CDH11: variants seen among roughly 807,000 people sequenced by gnomAD.
CDH11 encodes the protein cadherin 11.
CDH11 carries 11 observed loss-of-function variants against 67.8 expected under a neutral mutation model. The observed-to-expected ratio is 0.16, with a 90% confidence interval of 0.10 to 0.27. The LOEUF is 0.27. CDH11 is among the 10% of genes least tolerant of loss of function. CDH11 has a pLI of 1.00. For missense variants in CDH11, 847 were observed against 1,031.2 expected (o/e 0.82, Z 2.45); for synonymous variants, 419 against 400.0 (o/e 1.05, Z -0.57).
At chr16:65,073,865 C>A (rs556092524) in intron 1 of CDH11, among the ~76,000 whole-genome samples, 1 of 152,284 alleles carries the variant, frequency 6.6e-6, no homozygotes, top group South Asian at 2.1e-4. Context: ...CACTGGTCCA[C>A]AGACAGCATC....
chr16:65,053,452 T>C (rs918752875), intron 2 of CDH11, among the ~76,000 whole-genome samples: 1 of 152,194 alleles, frequency 6.6e-6, no homozygotes, highest in Non-Finnish European at 1.5e-5. Context: ...TTTTAAGACT[T>C]ATTTCAAAAG....
chr16:64,995,653 C>G (rs1470389479), intron 4 of CDH11, among the ~76,000 whole-genome samples: 1 of 151,984 alleles, frequency 6.6e-6, no homozygotes. Context: ...GAGAAAAAAA[C>G]CCAGGAAACA....
rs897361035 is a variant in CDH11, at chr16:65,004,965, G to T, written c.-96C>A. ...GAGGGTGGCCTCCCGGACGCGTCACGCAGACCTCTCTTGGGATGGAATGTC... is the reference window on the plus strand; with the variant it reads ...GAGGGTGGCCTCCCGGACGCGTCACTCAGACCTCTCTTGGGATGGAATGTC... On this transcript the variant is annotated 5_prime_UTR_variant, in exon 3 of 13. Transcript: ENST00000268603. 1.4e-6 allele frequency: 2 copies of T among 1,434,742 alleles called. No individual in the cohort carries two copies. Among genetic ancestry groups the T allele is most frequent in the Non-Finnish European group, 1.8e-6 (2 of 1,090,134 alleles). 88.9% of individuals were successfully genotyped at this position (1,434,742 alleles called of 1,614,324 possible). A position where few individuals can be genotyped will look rare whatever the true frequency, so the allele number is the denominator to read the frequency against.
intron 1 of CDH11, among the ~76,000 whole-genome samples, chr16:65,109,691 T>C (rs1418101340): frequency 6.6e-6 from 1 of 152,150 alleles, no homozygotes; most frequent in African/African-American, 2.4e-5. Context: ...CATAGAAAAC[T>C]TTCCCACAGA....
chr16:65,035,861 C>A (rs1240273523), intron 2 of CDH11, among the ~76,000 whole-genome samples: 1 of 152,098 alleles, frequency 6.6e-6, no homozygotes, highest in African/African-American at 2.4e-5. Flanking sequence ...TGGACTGAGG[C>A]TGGAAAACCC....
chr16:64,963,189 G>A (rs2142402409), intron 11 of CDH11, among the ~76,000 whole-genome samples: 1 of 152,294 alleles, frequency 6.6e-6, no homozygotes, highest in South Asian at 2.1e-4. Flanking sequence ...AATATGCTAA[G>A]GTCTTTAATG....
chr16:64,952,016 AC>A (rs1433159364), intron 11 of CDH11, among the ~76,000 whole-genome samples: 1 of 152,208 alleles, frequency 6.6e-6, no homozygotes, highest in African/African-American at 2.4e-5. Context: ...TCCCAGGCTC[AC>A]CTCCTACTTT....
intron 2 of CDH11, among the ~76,000 whole-genome samples, chr16:65,029,814 C>T (rs78682399): frequency 0.11 from 17,024 of 152,128 alleles, 1,412 homozygotes; most frequent in East Asian, 0.25. Flanking sequence ...CACAAACCTA[C>T]AGCATTTTTT....
chr16:65,113,578 T>C (rs1439179852), intron 1 of CDH11, among the ~76,000 whole-genome samples: 1 of 152,096 alleles, frequency 6.6e-6, no homozygotes, highest in Non-Finnish European at 1.5e-5. Context: ...CTGTCTGCAA[T>C]AGGGAACATG....
At chr16:65,122,148 G>GGGGGGGGGGGGGGGGGGGGGGGGGGT, upstream of CDH11, 1 of 323,844 alleles carries the variant, frequency 3.1e-6, no homozygotes, top group Non-Finnish European at 5.9e-6. Flanking sequence ...GGGGGGGCGG[G>GGGGGGGGGGGGGGGGGGGGGGGGGGT]AGGAGGGAGG....
chr16:65,115,042 G>A (rs2075219166), intron 1 of CDH11, among the ~76,000 whole-genome samples: 1 of 152,186 alleles, frequency 6.6e-6, no homozygotes. Flanking sequence ...ATTATCTTTT[G>A]AGCTAGTCTG....
intron 6 of CDH11, among the ~76,000 whole-genome samples, chr16:64,988,909 C>T (rs1038735398): frequency 3.3e-5 from 5 of 152,198 alleles, no homozygotes; most frequent in Middle Eastern, 3.4e-3. Context: ...GTTGGTCATG[C>T]GTTACCTTCT....
At chr16:64,996,491 GA>G (rs34268273) in intron 4 of CDH11, among the ~76,000 whole-genome samples, 8,449 of 135,070 alleles carry the variant, frequency 0.063, 547 homozygotes, top group African/African-American at 0.19. Flanking sequence ...CTCTGTCTCA[GA>G]AAAAAAAAAA....
At chr16:65,005,175 CT>C (rs2073022074) in intron 2 of CDH11, 134 bp from the exon 3 acceptor site, 2 of 732,838 alleles carry the variant, frequency 2.7e-6, no homozygotes, top group African/African-American at 3.7e-5. Flanking sequence ...TCACTGACTG[CT>C]TTGAGCTCAG....
intron 1 of CDH11, among the ~76,000 whole-genome samples, chr16:65,113,123 T>C (rs2075187835): frequency 6.6e-6 from 1 of 152,066 alleles, no homozygotes; most frequent in East Asian, 1.9e-4. Context: ...CCATCTCTAC[T>C]AAAAATACAA....
chr16:65,058,140 T>C (rs550131324), intron 1 of CDH11, among the ~76,000 whole-genome samples: 3 of 152,256 alleles, frequency 2.0e-5, no homozygotes, highest in Admixed American at 2.0e-4. Flanking sequence ...GAGGATCGTT[T>C]GAGCCTGGGG....
At chr16:65,102,356 T>C (rs1298152771) in intron 1 of CDH11, among the ~76,000 whole-genome samples, 1 of 152,214 alleles carries the variant, frequency 6.6e-6, no homozygotes, top group African/African-American at 2.4e-5. Context: ...ATATTTCTAA[T>C]AGGATCATGT....
intron 1 of CDH11, among the ~76,000 whole-genome samples, chr16:65,099,278 G>A (rs1448568760): frequency 6.6e-6 from 1 of 152,158 alleles, no homozygotes; most frequent in Non-Finnish European, 1.5e-5. Flanking sequence ...GTCTAGGGAA[G>A]CCAAATATTA....
At chr16:65,100,477 G>A (rs1332203680) in intron 1 of CDH11, among the ~76,000 whole-genome samples, 3 of 152,056 alleles carry the variant, frequency 2.0e-5, no homozygotes, top group East Asian at 3.9e-4. Flanking sequence ...GGTGGCTCAC[G>A]CCTGTAATCC....
Sources: gnomAD v4.1 joint callset for allele counts (sites outside exome capture counted in the v4.1 genomes callset) on GRCh38, gnomAD v4.1.1 for gene constraint, MANE v1.5 for transcripts, NCBI Gene and HGNC (gene_info 2026-07-23, HGNC 2026-07-21) for gene names.